The following TEX14 variants were observed in gnomAD, a reference collection of about 807,000 sequenced individuals.
TEX14 encodes the protein inactive serine/threonine-protein kinase TEX14.
In TEX14, 168 loss-of-function variants were observed where a neutral mutation model predicts 178.6. The ratio of observed to expected loss-of-function variants is 0.94; its 90% CI spans 0.83 to 1.07. The LOEUF (loss-of-function observed/expected upper bound fraction) is 1.07. Ranked by LOEUF, TEX14 falls within the 50% of genes least tolerant of loss-of-function variation. TEX14 has a pLI of 0.00. For missense variants in TEX14, 1,730 were observed against 1,753.6 expected, an observed-to-expected ratio of 0.99 and a Z score of 0.24; for synonymous variants, 626 against 634.1, an observed-to-expected ratio of 0.99 and a Z score of 0.19.
At chr17:58,683,253 A>G (rs2047531430) in intron 1 of TEX14, among the ~76,000 whole-genome samples, 1 of 151,318 alleles carries the variant, frequency 6.6e-6, no homozygotes, top group African/African-American at 2.4e-5. Flanking sequence ...CGTGTCTGTA[A>G]TCCCAGCTAC....
At chr17:58,657,562 T>C (rs991379624) in intron 1 of TEX14, among the ~76,000 whole-genome samples, 3 of 145,136 alleles carry the variant, frequency 2.1e-5, no homozygotes, top group African/African-American at 7.7e-5. Context: ...TCACCCAAGT[T>C]AGAGTGCAGT....
chr17:58,559,414 G>T, intron 30 of TEX14, 39 bp downstream of exon 30: 1 of 878,056 alleles, frequency 1.1e-6, no homozygotes, highest in Non-Finnish European at 1.9e-6. Context: ...CAAAGCCCAA[G>T]GACTACAGAC....
At chr17:58,589,725 G>A (rs1001779978) in intron 15 of TEX14, among the ~76,000 whole-genome samples, 11 of 150,890 alleles carry the variant, frequency 7.3e-5, no homozygotes, top group African/African-American at 2.7e-4. Flanking sequence ...TTTGGAGATA[G>A]GGTCTGACTC....
chr17:58,606,093 C>T (rs1255342256), intron 10 of TEX14, among the ~76,000 whole-genome samples: 2 of 152,138 alleles, frequency 1.3e-5, no homozygotes, highest in Non-Finnish European at 2.9e-5. Context: ...GGAATGTGTC[C>T]TCTCAGTTTA....
intron 2 of TEX14, among the ~76,000 whole-genome samples, chr17:58,649,618 T>A (rs778359803): frequency 2.0e-5 from 3 of 152,208 alleles, no homozygotes; most frequent in Non-Finnish European, 4.4e-5. Context: ...TAGGAGATAA[T>A]AAATGTCATA....
intron 19 of TEX14, chr17:58,581,572 A>C (rs1056643637): frequency 6.2e-7 from 1 of 1,604,812 alleles, no homozygotes; most frequent in Non-Finnish European, 8.5e-7. Context: ...GCAATGGAGA[A>C]AGGTGAAAAG....
chr17:58,646,615 G>C (rs530480516), intron 2 of TEX14, among the ~76,000 whole-genome samples: 1 of 152,240 alleles, frequency 6.6e-6, no homozygotes, highest in East Asian at 1.9e-4. Flanking sequence ...ACAGGTGTGT[G>C]CCATGGCACC....
At chr17:58,686,498 C>T (rs1228300637) in intron 1 of TEX14, among the ~76,000 whole-genome samples, 1 of 152,044 alleles carries the variant, frequency 6.6e-6, no homozygotes, top group African/African-American at 2.4e-5. Flanking sequence ...TGCATCTGGA[C>T]GGCAGAGGGT....
At chr17:58,596,473 G>C (rs913532403) in intron 14 of TEX14, among the ~76,000 whole-genome samples, 7 of 151,964 alleles carry the variant, frequency 4.6e-5, no homozygotes, top group African/African-American at 1.7e-4. Flanking sequence ...GTAGAAACAG[G>C]GTTTCGTTAT....
At chr17:58,598,434 T>C (rs924261276) in intron 14 of TEX14, among the ~76,000 whole-genome samples, 1 of 152,102 alleles carries the variant, frequency 6.6e-6, no homozygotes, top group African/African-American at 2.4e-5. Context: ...CTATCCAAGA[T>C]ACTTTATTCA....
At chr17:58,625,336 T>C (rs969012033) in intron 3 of TEX14, among the ~76,000 whole-genome samples, 2 of 152,154 alleles carry the variant, frequency 1.3e-5, no homozygotes, top group African/African-American at 2.4e-5. Flanking sequence ...AGTTTCATCA[T>C]GTTGGCCAGG....
chr17:58,577,477 A>C (rs2044706731), intron 20 of TEX14, 21 bp from the exon 21 acceptor site: 8 of 866,010 alleles, frequency 9.2e-6, no homozygotes, highest in Non-Finnish European at 1.3e-5. Flanking sequence ...AAAGTTAAAA[A>C]TATATATATA....
Position 58,601,866 on chromosome 17 carries a change from G to C in TEX14, c.1618C>G (p.Leu540Val), listed in dbSNP as rs1598375864. 2.0e-5 allele frequency: 32 copies of C among 1,613,282 alleles called. No individual in the cohort carries two copies. Among genetic ancestry groups the C allele is most frequent in the Non-Finnish European group, 2.6e-5 (31 of 1,179,908 alleles). The change falls in exon 13 of 32, where the codon CTG becomes GTG. Residue 540 changes from leucine (L) to valine (V), a missense_variant. By Grantham distance (32) the Leu-to-Val change is conservative (BLOSUM62 1). Transcript: ENST00000349033. ...GTCTCTCTGGGGTGTTCTGAAGTCA[G>C]TCCTAGATAGACATTGACATCGGGA... ...LHPDVNVYLG[L>V]TSEHPRETPD...
chr17:58,606,836 T>C (rs1400950165), intron 10 of TEX14, among the ~76,000 whole-genome samples: 2 of 151,678 alleles, frequency 1.3e-5, no homozygotes, highest in Non-Finnish European at 2.9e-5. Flanking sequence ...AAGACCAGCC[T>C]GGCCAACATG....
chr17:58,668,351 G>A lies in TEX14; in HGVS notation c.-1-16349C>T, dbSNP rs193225414. Among the ~76,000 whole-genome samples, 8 of 152,258 alleles carry A rather than the reference G, an allele frequency of 5.3e-5. No homozygotes were observed. The East Asian group carries it at 1.5e-3, about 29-fold the overall frequency. On this transcript the variant is annotated intron_variant, in intron 1 of 31. Coordinates refer to ENST00000349033, the MANE Select transcript of TEX14 (RefSeq NM_031272.5). ...AAAGTCATCCTTACAGCAAAAAAGT[G>A]CACCTCTCCCAGCTACCAAAGCCTC...
chr17:58,648,325 T>A (rs1245405660), intron 2 of TEX14, among the ~76,000 whole-genome samples: 2 of 152,134 alleles, frequency 1.3e-5, no homozygotes, highest in African/African-American at 2.4e-5. Context: ...GCTCCCTCCC[T>A]CTAAAGCCCT....
At chr17:58,593,164 C>A (rs2045198443) in intron 15 of TEX14, among the ~76,000 whole-genome samples, 1 of 152,180 alleles carries the variant, frequency 6.6e-6, no homozygotes. Context: ...TGATGTTGTT[C>A]AACTCTCTCT....
chr17:58,663,215 G>A (rs1264317296), intron 1 of TEX14, among the ~76,000 whole-genome samples: 1 of 151,902 alleles, frequency 6.6e-6, no homozygotes, highest in African/African-American at 2.4e-5. Flanking sequence ...CTGAGGTCGG[G>A]AGTTCAAGAC....
chr17:58,625,053 G>A (rs1031145640), intron 3 of TEX14, among the ~76,000 whole-genome samples: 1 of 152,176 alleles, frequency 6.6e-6, no homozygotes. Context: ...ACACTGCATC[G>A]TGGGAATCAC....
Sources: allele counts gnomAD v4.1 joint callset (sites outside exome capture counted in the v4.1 genomes callset), GRCh38; gene constraint gnomAD v4.1.1; transcripts MANE v1.5; gene names NCBI Gene and HGNC (gene_info 2026-07-23, HGNC 2026-07-21).